Variants in TLR2 observed in about 807,000 individuals in gnomAD.
TLR2 encodes the protein toll like receptor 2.
In TLR2, 7 loss-of-function variants were observed where a neutral mutation model predicts 9.1. The observed-to-expected ratio is 0.77, with a 90% confidence interval of 0.44 to 1.44. TLR2 has a LOEUF of 1.44. Among genes scored for constraint, TLR2 ranks in the 40% most tolerant of loss-of-function variants. The pLI is 0.01. For missense variants in TLR2, 812 were observed against 904.6 expected, an observed-to-expected ratio of 0.90 and a Z score of 1.31; for synonymous variants, 317 against 344.6, an observed-to-expected ratio of 0.92 and a Z score of 0.89.
intron 2 of TLR2, among the ~76,000 whole-genome samples, chr4:153,699,837 A>G (rs1244925502): frequency 1.3e-5 from 2 of 152,248 alleles, no homozygotes; most frequent in Admixed American, 1.3e-4. Flanking sequence ...TGCTCAATGC[A>G]TGGTCAGTAT....
Position 153,702,892 on chromosome 4 carries a change from G to A in TLR2, c.-16G>A. 2 of 1,578,406 alleles carry A rather than the reference G, an allele frequency of 1.3e-6. No individual in the cohort carries two copies. The highest frequency in any genetic ancestry group is 1.4e-5 in the African/African-American group (1 of 72,950). ...TTATTTGAACCTCTTTTATTTGTAGGTTGAAGCACTGGACAATGCCACATA... is the reference window on the plus strand; with the variant it reads ...TTATTTGAACCTCTTTTATTTGTAGATTGAAGCACTGGACAATGCCACATA... On this transcript the variant is annotated splice_region_variant and 5_prime_UTR_variant, in exon 3 of 3. Transcript: ENST00000642700.
chr4:153,684,706 G>A (rs1735557259), intron 1 of TLR2, among the ~76,000 whole-genome samples: 2 of 152,202 alleles, frequency 1.3e-5, no homozygotes, highest in Admixed American at 6.5e-5. Flanking sequence ...AATGGGCTGC[G>A]GCTGGGCTGA....
intron 1 of TLR2, 100 bp from the exon 2 acceptor site, chr4:153,687,802 C>T (rs530403080): frequency 3.7e-4 from 57 of 152,220 alleles, no homozygotes; most frequent in African/African-American, 1.1e-3. Flanking sequence ...ACTGCTCACA[C>T]TGTTGGATGC....
downstream of TLR2, among the ~76,000 whole-genome samples, chr4:153,709,553 G>A (rs1173065269): frequency 1.3e-5 from 2 of 152,186 alleles, no homozygotes; most frequent in African/African-American, 4.8e-5. Flanking sequence ...GCTAGGCAGT[G>A]CTCAAAGTGC....
rs531388448 is a variant in TLR2, at chr4:153,706,224, CAAAAT to C, written c.*966_*970del. Among the ~76,000 whole-genome samples, 124 of 152,324 alleles carry C rather than the reference CAAAAT, an allele frequency of 8.1e-4. No individual in the cohort carries two copies. Among genetic ancestry groups the C allele is most frequent in the African/African-American group, 2.7e-3 (112 of 41,574 alleles). Reference sequence around the variant, plus strand: ...TAAATTATGTATTTCTGTAATTTAACAAAATAAATACTCAGTTTAGGAGAATTTGA... The same window carrying C: ...TAAATTATGTATTTCTGTAATTTAACAAATACTCAGTTTAGGAGAATTTGA... On this transcript the variant is annotated 3_prime_UTR_variant, in exon 3 of 3. Transcript: ENST00000642700.
At position 153,703,366 on chromosome 4, in the gene TLR2, C is replaced by A. The variant is rs778087175; in HGVS notation, c.459C>A (p.Ile153=). Residue 153 remains isoleucine (I), a synonymous_variant, in exon 3 of 3, where the codon ATC becomes ATA. Transcript: ENST00000642700. ...SLFSHLTKLQ[I]LRVGNMDTFT... Reference sequence around the variant, plus strand: ...TTTCTCATCTCACAAAATTGCAAATCCTGAGAGTGGGAAATATGGACACCT... The same window carrying A: ...TTTCTCATCTCACAAAATTGCAAATACTGAGAGTGGGAAATATGGACACCT... The A allele has an allele frequency of 9.9e-6, 16 of 1,613,938 alleles. No individual in the cohort carries two copies. The Admixed American group carries it at 2.2e-4, about 22-fold the overall frequency.
Position 153,703,009 on chromosome 4 carries a change from T to C in TLR2, c.102T>C (p.Gly34=). 1 of 1,614,126 alleles carries C rather than the reference T, an allele frequency of 6.2e-7. No homozygotes were observed. The highest frequency in any genetic ancestry group is 1.1e-5 in the South Asian group (1 of 91,080). The change falls in exon 3 of 3, where the codon GGT becomes GGC. Residue 34 remains glycine, a synonymous_variant. Coordinates refer to ENST00000642700, the MANE Select transcript of TLR2 (RefSeq NM_001318789.2). ...NQASLSCDRN[G]ICKGSSGSLN... ...CTTCTCTGTCTTGTGACCGCAATGG[T>C]ATCTGCAAGGGCAGCTCAGGATCTT...
downstream of TLR2, among the ~76,000 whole-genome samples, chr4:153,706,714 C>T (rs57947805): frequency 4.1e-3 from 627 of 152,328 alleles, 7 homozygotes; most frequent in African/African-American, 0.014. Context: ...CTGCTCAATT[C>T]TCAACCAGAA....
In TLR2 at chr4:153,704,635, G is replaced by C. The variant is rs1167724443; in HGVS notation, c.1728G>C (p.Gln576His). The C allele has an allele frequency of 6.2e-7, 1 of 1,613,574 alleles. No individual in the cohort carries two copies. ...SPSHVRGQQV[Q>H]DVRLSVSECH... Reference sequence around the variant, plus strand: ...CCCATGTGCGTGGCCAGCAGGTTCAGGATGTCCGCCTCTCGGTGTCGGAAT... The same window carrying C: ...CCCATGTGCGTGGCCAGCAGGTTCACGATGTCCGCCTCTCGGTGTCGGAAT... The change falls in exon 3 of 3, where the codon CAG (glutamine) becomes CAC (histidine). Residue 576 changes from glutamine (Q) to histidine (H), a missense_variant. Coordinates refer to ENST00000642700, the MANE Select transcript of TLR2 (RefSeq NM_001318789.2).
At chr4:153,698,811 T>C (rs537121345) in intron 2 of TLR2, among the ~76,000 whole-genome samples, 1 of 152,292 alleles carries the variant, frequency 6.6e-6, no homozygotes, top group African/African-American at 2.4e-5. Context: ...CAAATACTAA[T>C]ATGCTTTTAA....
chr4:153,696,854 G>C (rs4696482), intron 2 of TLR2, among the ~76,000 whole-genome samples: 146,010 of 151,792 alleles, frequency 0.96, 70,440 homozygotes, highest in East Asian at 1. Flanking sequence ...TGTAGCATGA[G>C]CCCATCTACA....
chr4:153,706,466 G>A (rs1257417431), downstream of TLR2, among the ~76,000 whole-genome samples: 1 of 152,096 alleles, frequency 6.6e-6, no homozygotes, highest in Non-Finnish European at 1.5e-5. Flanking sequence ...AAGTACATGT[G>A]AGCTAAATAG....
intron 2 of TLR2, among the ~76,000 whole-genome samples, chr4:153,694,062 C>T (rs1423421728): frequency 2.6e-5 from 4 of 152,118 alleles, no homozygotes; most frequent in South Asian, 2.1e-4. Context: ...GAGATTTACC[C>T]ACGTATTTAT....
In TLR2 at chr4:153,686,614, C is replaced by T. The variant is rs185068680; in HGVS notation, c.-162-1288C>T. Among the ~76,000 whole-genome samples, 79 of 152,040 alleles carry T rather than the reference C, an allele frequency of 5.2e-4. No individual in the cohort carries two copies. In the East Asian group the frequency reaches 7.3e-3, roughly 14 times the overall value. The stretch of plus-strand genomic sequence containing the variant: ...GAAAAAAATCATAACTGTAGATAAA[C>T]GTTTCACTAAGTTAAAGGTTTCACT... On this transcript the variant is annotated intron_variant, in intron 1 of 2. Coordinates refer to ENST00000642700, the MANE Select transcript of TLR2 (RefSeq NM_001318789.2).
At position 153,704,343 on chromosome 4, in the gene TLR2, T is replaced by C; in HGVS notation, c.1436T>C (p.Leu479Pro). ...TTATTTTCTTTGAATTTGCCGCAAC[T>C]CAAAGAACTTTATATTTCCAGAAAT... is the stretch of plus-strand genomic sequence containing the variant. ...LNLFSLNLPQ[L>P]KELYISRNKL... The change falls in exon 3 of 3, where the codon CTC becomes CCC. Residue 479 changes from leucine (L) to proline (P), a missense_variant. Leu to Pro is a moderately conservative substitution (Grantham distance 98, BLOSUM62 -3). Transcript: ENST00000642700. 6.2e-7 allele frequency: 1 copy of C among 1,613,776 alleles called. No individual in the cohort carries two copies. Among genetic ancestry groups the C allele is most frequent in the Non-Finnish European group, 8.5e-7 (1 of 1,179,950 alleles).
intron 2 of TLR2, among the ~76,000 whole-genome samples, chr4:153,699,914 A>G (rs777370019): frequency 1.8e-4 from 28 of 152,322 alleles, no homozygotes; most frequent in Admixed American, 5.2e-4. Flanking sequence ...TTGCATTGCT[A>G]TAAGGGAATA....
intron 1 of TLR2, among the ~76,000 whole-genome samples, chr4:153,684,580 A>G (rs1479700339): frequency 6.6e-6 from 1 of 152,162 alleles, no homozygotes; most frequent in Non-Finnish European, 1.5e-5. Context: ...CAGCGCGGGA[A>G]TGTGGACACC....
At chr4:153,692,261 A>G (rs2127026165) in intron 2 of TLR2, among the ~76,000 whole-genome samples, 1 of 152,370 alleles carries the variant, frequency 6.6e-6, no homozygotes, top group Non-Finnish European at 1.5e-5. Context: ...CCCGGCTGCA[A>G]TGTCCCCATA....
Position 153,703,334 on chromosome 4 carries a change from T to C in TLR2, c.427T>C (p.Ser143Pro), listed in dbSNP as rs750389216. ...TCCTTACAAAACCCTAGGGGAAACA[T>C]CTCTTTTTTCTCATCTCACAAAATT... ...GNPYKTLGET[S>P]LFSHLTKLQI... The change falls in exon 3 of 3, where the codon TCT becomes CCT. Residue 143 changes from serine (S) to proline (P), a missense_variant. Ser to Pro is a moderately conservative substitution (Grantham distance 74, BLOSUM62 -1). Transcript: ENST00000642700. The C allele has an allele frequency of 3.1e-6, 5 of 1,613,706 alleles. No individual in the cohort carries two copies. The highest frequency in any genetic ancestry group is 3.4e-6 in the Non-Finnish European group (4 of 1,179,976).
Sources: gnomAD v4.1 joint callset for allele counts (sites outside exome capture counted in the v4.1 genomes callset) on GRCh38, gnomAD v4.1.1 for gene constraint, MANE v1.5 for transcripts, NCBI Gene and HGNC (gene_info 2026-07-23, HGNC 2026-07-21) for gene names.